The following MACROD1 variants were observed in gnomAD, a reference collection of about 807,000 sequenced individuals.
MACROD1 encodes mono-ADP ribosylhydrolase 1.
A neutral mutation model predicts 41.4 loss-of-function variants in MACROD1; 31 were observed. The observed-to-expected ratio is 0.75, with a 90% CI of 0.56 to 1.01. The LOEUF is 1.01. Ranked by LOEUF, MACROD1 falls within the 50% of genes least tolerant of loss-of-function variation. MACROD1 has a pLI of 0.00. For missense variants in MACROD1, 473 were observed against 460.0 expected (o/e 1.03, Z -0.26); for synonymous variants, 252 against 203.4 (o/e 1.24, Z -2.03).
chr11:64,051,534 C>T lies in MACROD1; in HGVS notation c.518-36253G>A, dbSNP rs531274343. On this transcript the variant is annotated intron_variant, in intron 3 of 10. Transcript: ENST00000255681. ...GCTCCTGGGCGGCAGAGCTGTCGGCCGGGCAGGCTAACAGCTGTTTGTGCA... is the reference window on the plus strand; with the variant it reads ...GCTCCTGGGCGGCAGAGCTGTCGGCTGGGCAGGCTAACAGCTGTTTGTGCA... Among the ~76,000 whole-genome samples, 44 of 152,308 alleles carry T rather than the reference C, an allele frequency of 2.9e-4. 1 individual carries two copies. Among genetic ancestry groups the T allele is most frequent in the African/African-American group, 8.9e-4 (37 of 41,572 alleles).
intron 3 of MACROD1, among the ~76,000 whole-genome samples, chr11:64,039,112 T>C (rs1943436694): frequency 6.6e-6 from 1 of 152,148 alleles, no homozygotes. Flanking sequence ...CCATCCACTC[T>C]GGTACCTGGC....
At chr11:64,001,198 T>C (rs1942819943) in intron 4 of MACROD1, 8 of 568,986 alleles carry the variant, frequency 1.4e-5, no homozygotes, top group Non-Finnish European at 2.5e-5. Flanking sequence ...AGGCGCGGCC[T>C]CAGGCAGGCC....
At chr11:64,091,060 A>G (rs1944481352) in intron 3 of MACROD1, among the ~76,000 whole-genome samples, 1 of 143,494 alleles carries the variant, frequency 7.0e-6, no homozygotes, top group African/African-American at 2.5e-5. Flanking sequence ...GGAGGAGGGA[A>G]GAGAAGATGA....
At chr11:64,148,486 C>T (rs1479573959) in intron 3 of MACROD1, among the ~76,000 whole-genome samples, 5 of 152,160 alleles carry the variant, frequency 3.3e-5, no homozygotes, top group Non-Finnish European at 7.3e-5. Flanking sequence ...CTGACGCCCG[C>T]GGGGCCAGCA....
rs1171948073 is a variant in MACROD1, at chr11:63,999,392, T to C, written c.830A>G (p.Glu277Gly). 2 of 1,591,420 alleles carry C rather than the reference T, an allele frequency of 1.3e-6. No homozygotes were observed. The highest frequency in any genetic ancestry group is 1.7e-6 in the Non-Finnish European group (2 of 1,172,884). Residue 277 changes from glutamate to glycine, a missense_variant, in exon 8 of 11, where the codon GAG becomes GGG. Glu to Gly is a moderately conservative substitution (Grantham distance 98). Transcript: ENST00000255681. ...ISTGVFGYPC[E>G]AAAEIVLATL... Reference sequence around the variant, plus strand: ...GGCCAGCACGATCTCGGCGGCCGCCTCACAGGGGTAGCCTGAGGCGGGTGG... The same window carrying C: ...GGCCAGCACGATCTCGGCGGCCGCCCCACAGGGGTAGCCTGAGGCGGGTGG...
rs935244019 is a variant in MACROD1, at chr11:64,036,854, C to T, written c.518-21573G>A. 2.0e-5 allele frequency among the ~76,000 whole-genome samples: 3 copies of T among 152,164 alleles called. No individual in the cohort carries two copies. The highest frequency in any genetic ancestry group is 7.2e-5 in the African/African-American group (3 of 41,442). ...CTCAAGACAAGGAGGCGGCCCGACC[C>T]GGCGGCGCACGCCCCTCCTCGCGGG... On this transcript the variant is annotated intron_variant, in intron 3 of 10. Coordinates refer to ENST00000255681, the MANE Select transcript of MACROD1 (RefSeq NM_014067.4). The surrounding 1 kb of genome is among the most constrained non-coding windows in gnomAD (Gnocchi z 5.6).
intron 3 of MACROD1, chr11:64,116,736 C>T: frequency 3.1e-6 from 5 of 1,613,704 alleles, no homozygotes; most frequent in Non-Finnish European, 3.4e-6. Context: ...GGAGAAGCTG[C>T]ACCTGGATGA....
At chr11:64,006,450 C>T (rs527597170) in intron 4 of MACROD1, among the ~76,000 whole-genome samples, 2 of 152,294 alleles carry the variant, frequency 1.3e-5, no homozygotes, top group Admixed American at 6.5e-5. Context: ...GGTGGGTGCC[C>T]GGGGGAGAAG....
intron 3 of MACROD1, among the ~76,000 whole-genome samples, chr11:64,097,942 C>T (rs572522538): frequency 3.1e-4 from 47 of 152,238 alleles, no homozygotes; most frequent in African/African-American, 1.0e-3. Context: ...GAGAAGGAGG[C>T]GGGAACCCAC....
chr11:64,092,131 G>A lies in MACROD1; in HGVS notation c.517+59108C>T, dbSNP rs377460821. ...CCTTCCTGGCCTCCAAGCTTGGCCCGTGTTAGGGTCGCCGTGGCATCCCGA... is the reference window on the plus strand; with the variant it reads ...CCTTCCTGGCCTCCAAGCTTGGCCCATGTTAGGGTCGCCGTGGCATCCCGA... On this transcript the variant is annotated intron_variant, in intron 3 of 10. Transcript: ENST00000255681. Among the ~76,000 whole-genome samples the A allele has an allele frequency of 1.4e-3, 208 of 152,324 alleles. 4 individuals are homozygous for A. The South Asian group carries it at 0.041, about 30-fold the overall frequency.
intron 3 of MACROD1, among the ~76,000 whole-genome samples, chr11:64,130,636 A>G (rs555394764): frequency 2.8e-4 from 42 of 152,198 alleles, no homozygotes; most frequent in African/African-American, 1.0e-3. Context: ...TGGGTCTGAC[A>G]TTGGCTCATC....
chr11:64,022,300 C>T (rs1303364186), intron 3 of MACROD1, among the ~76,000 whole-genome samples: 1 of 152,054 alleles, frequency 6.6e-6, no homozygotes, highest in East Asian at 1.9e-4. Flanking sequence ...TCTCAGACTT[C>T]CCCTGGGGAT....
intron 4 of MACROD1, chr11:64,001,859 C>A: frequency 3.0e-6 from 2 of 675,246 alleles, no homozygotes; most frequent in Non-Finnish European, 2.7e-6. Context: ...AGCTGGGCAA[C>A]GTGAGTTCAC....
chr11:64,015,173 G>A, intron 4 of MACROD1, 79 bp downstream of exon 4: 1 of 1,426,630 alleles, frequency 7.0e-7, no homozygotes, highest in Non-Finnish European at 9.4e-7. Flanking sequence ...TGGGCACCGA[G>A]GGCGAGGGGC....
At chr11:64,109,577 A>G (rs1293137521) in intron 3 of MACROD1, among the ~76,000 whole-genome samples, 1 of 152,164 alleles carries the variant, frequency 6.6e-6, no homozygotes, top group East Asian at 1.9e-4. Context: ...GAGGTAGGGA[A>G]CTATTTCTGG....
At chr11:64,060,163 G>T (rs1454901527) in intron 3 of MACROD1, among the ~76,000 whole-genome samples, 6 of 152,262 alleles carry the variant, frequency 3.9e-5, no homozygotes, top group Admixed American at 2.6e-4. Flanking sequence ...AATATTTAAG[G>T]CGCGGACGGC....
chr11:64,106,134 G>A (rs1191063649), intron 3 of MACROD1, among the ~76,000 whole-genome samples: 2 of 152,146 alleles, frequency 1.3e-5, no homozygotes, highest in Non-Finnish European at 2.9e-5. Flanking sequence ...GGTCCCGCTG[G>A]GCAGCTGAGA....
intron 3 of MACROD1, among the ~76,000 whole-genome samples, chr11:64,102,486 C>T (rs567306308): frequency 6.6e-5 from 10 of 152,350 alleles, no homozygotes; most frequent in African/African-American, 2.4e-4. Context: ...GTTCTGGAAG[C>T]CCAGGCCATG....
chr11:64,144,144 GT>G (rs1313868997), intron 3 of MACROD1, among the ~76,000 whole-genome samples: 1 of 150,654 alleles, frequency 6.6e-6, no homozygotes, highest in East Asian at 2.0e-4. Flanking sequence ...TTCCCACAGT[GT>G]CCCGTCCACC....
Sources: gnomAD v4.1 joint callset for allele counts (sites outside exome capture counted in the v4.1 genomes callset) on GRCh38, gnomAD v4.1.1 for gene constraint, Gnocchi (gnomAD v3.1) non-coding constraint, MANE v1.5 for transcripts, NCBI Gene and HGNC (gene_info 2026-07-23, HGNC 2026-07-21) for gene names.